ZNF365: variants seen among roughly 807,000 people sequenced by gnomAD.
ZNF365 encodes zinc finger protein 365.
Under a neutral mutation model 35.0 loss-of-function variants are expected in ZNF365, and 22 were observed. The observed-to-expected ratio is 0.63, with a 90% confidence interval of 0.45 to 0.90. The LOEUF (loss-of-function observed/expected upper bound fraction) is 0.90. Among genes scored for constraint, ZNF365 ranks in the 40% least tolerant of loss-of-function variants. ZNF365 has a pLI of 0.00. For synonymous variants in ZNF365, 188 were observed against 196.2 expected (o/e 0.96, Z 0.35); for missense variants, 448 against 500.3 (o/e 0.90, Z 1.00).
At chr10:62,463,248 G>A (rs539328655) in intron 4 of ZNF365, among the ~76,000 whole-genome samples, 1 of 152,364 alleles carries the variant, frequency 6.6e-6, no homozygotes, top group East Asian at 1.9e-4. Flanking sequence ...ATGGTGCTTA[G>A]GGTTCAACTT....
chr10:62,429,602 C>T (rs1387287854), intron 3 of ZNF365, among the ~76,000 whole-genome samples: 1 of 152,138 alleles, frequency 6.6e-6, no homozygotes, highest in African/African-American at 2.4e-5. Flanking sequence ...GATGGATATC[C>T]TTACTTATCT....
intron 4 of ZNF365, among the ~76,000 whole-genome samples, chr10:62,464,464 C>T (rs375223417): frequency 2.5e-4 from 38 of 152,314 alleles, no homozygotes; most frequent in African/African-American, 7.9e-4. Flanking sequence ...GTATCCCAAG[C>T]GCCTTGTACA....
At chr10:62,476,947 A>G (rs1313493737) in intron 4 of ZNF365, among the ~76,000 whole-genome samples, 2 of 152,190 alleles carry the variant, frequency 1.3e-5, no homozygotes, top group African/African-American at 2.4e-5. Context: ...AAATAGTTGT[A>G]TCTTAAAATT....
At chr10:62,398,354 A>T (rs1404398821) in intron 3 of ZNF365, among the ~76,000 whole-genome samples, 3 of 152,222 alleles carry the variant, frequency 2.0e-5, no homozygotes, top group Non-Finnish European at 4.4e-5. Flanking sequence ...GGAATGGAAA[A>T]CCAAGTATCT....
intron 4 of ZNF365, among the ~76,000 whole-genome samples, chr10:62,464,704 G>A (rs1173004241): frequency 1.3e-5 from 2 of 152,124 alleles, no homozygotes; most frequent in South Asian, 2.1e-4. Flanking sequence ...TTTATTTCCT[G>A]GCAAAGAATA....
intron 3 of ZNF365, among the ~76,000 whole-genome samples, chr10:62,420,647 TTTGA>T (rs1416929387): frequency 6.6e-6 from 1 of 152,232 alleles, no homozygotes; most frequent in Non-Finnish European, 1.5e-5. Context: ...GAAATAATAC[TTTGA>T]TTGATTGCAA....
exon 5 of ZNF365, chr10:62,479,958 T>C (rs1841196598): frequency 6.2e-7 from 1 of 1,607,992 alleles, no homozygotes; most frequent in Non-Finnish European, 8.5e-7. Flanking sequence ...AAATTAATTG[T>C]GCCAGAGAAG....
intron 3 of ZNF365, among the ~76,000 whole-genome samples, chr10:62,391,668 T>A (rs1052858502): frequency 2.6e-5 from 4 of 152,242 alleles, no homozygotes; most frequent in Non-Finnish European, 5.9e-5. Flanking sequence ...GCATTTGGGC[T>A]GGTTCAGTAT....
rs1264458422 is a variant in ZNF365, at chr10:62,400,349, A to T, written c.*560A>T. On this transcript the variant is annotated 3_prime_UTR_variant, in exon 5 of 5. Coordinates refer to ENST00000395254, the MANE Select transcript of ZNF365 (RefSeq NM_014951.3). ...CAAGATTTCAATTTCTGGGTTGCTC[A>T]AGGGACTCGTTCAGTCAGACTTCAG... is the stretch of plus-strand genomic sequence containing the variant. 1 of 986,406 alleles carries T rather than the reference A, an allele frequency of 1.0e-6. No homozygotes were observed. The highest frequency in any genetic ancestry group is 1.2e-6 in the Non-Finnish European group (1 of 830,364). The allele number at this position is 986,406 out of a possible 1,614,324, so 61.1% of individuals were successfully genotyped here.
intron 3 of ZNF365, among the ~76,000 whole-genome samples, chr10:62,447,154 T>C (rs1841379437): frequency 1.3e-5 from 2 of 152,168 alleles, no homozygotes; most frequent in African/African-American, 4.8e-5. Flanking sequence ...AGAAAGAAAT[T>C]TGGGCCTTTT....
intron 4 of ZNF365, among the ~76,000 whole-genome samples, chr10:62,460,978 A>G (rs1215119824): frequency 1.3e-5 from 2 of 152,208 alleles, no homozygotes; most frequent in Non-Finnish European, 2.9e-5. Flanking sequence ...CTTCAATTTC[A>G]TGTTAAAAAT....
At chr10:62,462,795 G>A (rs367588909) in intron 4 of ZNF365, among the ~76,000 whole-genome samples, 4 of 152,178 alleles carry the variant, frequency 2.6e-5, no homozygotes, top group African/African-American at 9.6e-5. Context: ...AAAATTTTAT[G>A]TTTCTTGAAC....
chr10:62,424,589 A>T (rs375874022), intron 3 of ZNF365, among the ~76,000 whole-genome samples: 1 of 152,208 alleles, frequency 6.6e-6, no homozygotes, highest in Non-Finnish European at 1.5e-5. Flanking sequence ...AAATTCTTGC[A>T]TGCTGTCTTC....
In ZNF365 at chr10:62,446,849, A is replaced by C. The variant is rs1242055238; in HGVS notation, c.925-12892A>C. ...GGAGCGGCTTGAGTTACTAGTTTTGATGTGTGGGAGGCGGTAGTGGAGGAA... is the reference window on the plus strand; with the variant it reads ...GGAGCGGCTTGAGTTACTAGTTTTGCTGTGTGGGAGGCGGTAGTGGAGGAA... On this transcript the variant is annotated intron_variant, in intron 3 of 4. Transcript: ENST00000395255. Among the ~76,000 whole-genome samples the C allele has an allele frequency of 2.0e-5, 3 of 151,896 alleles. No individual in the cohort carries two copies. In the East Asian group the frequency reaches 5.8e-4, roughly 29 times the overall value.
chr10:62,376,190 A>G lies in ZNF365; in HGVS notation c.-4A>G. ...ATTTCCCCCCTCCCAGGACTTTTAG[A>G]GTAATGCAACAGAAGGCTTTTGAGG... On this transcript the variant is annotated 5_prime_UTR_variant, in exon 2 of 5. Coordinates refer to ENST00000395254, the MANE Select transcript of ZNF365 (RefSeq NM_014951.3). 2.5e-6 allele frequency: 4 copies of G among 1,613,956 alleles called. No individual in the cohort carries two copies. Among genetic ancestry groups the G allele is most frequent in the Non-Finnish European group, 2.5e-6 (3 of 1,179,938 alleles).
intron 4 of ZNF365, among the ~76,000 whole-genome samples, chr10:62,464,302 C>A (rs1408605041): frequency 1.3e-5 from 2 of 152,136 alleles, no homozygotes; most frequent in Non-Finnish European, 2.9e-5. Flanking sequence ...TATATGTTAG[C>A]CCCCACTGCA....
chr10:62,419,481 C>T (rs1215669498), intron 3 of ZNF365, among the ~76,000 whole-genome samples: 2 of 142,050 alleles, frequency 1.4e-5, no homozygotes, highest in Non-Finnish European at 3.0e-5. Flanking sequence ...TTGTTACAAG[C>T]AGGTTTTTAA....
intron 3 of ZNF365, chr10:62,459,723 C>T: frequency 6.2e-7 from 1 of 1,602,730 alleles, no homozygotes; most frequent in Non-Finnish European, 8.5e-7. Flanking sequence ...GATGGCAGTA[C>T]CCTTCTTTTC....
chr10:62,394,088 G>A (rs773638692), intron 3 of ZNF365, among the ~76,000 whole-genome samples: 8 of 152,116 alleles, frequency 5.3e-5, no homozygotes, highest in South Asian at 2.1e-4. Context: ...TACTTTATCC[G>A]AAATGCTTGG....
Sources: allele counts gnomAD v4.1 joint callset (sites outside exome capture counted in the v4.1 genomes callset), GRCh38; gene constraint gnomAD v4.1.1; transcripts MANE v1.5; gene names NCBI Gene and HGNC (gene_info 2026-07-23, HGNC 2026-07-21).